Variants in ZNF653 observed in about 807,000 individuals in gnomAD.
ZNF653 encodes zinc finger protein 653.
Under a neutral mutation model 59.9 loss-of-function variants are expected in ZNF653, and 37 were observed. The observed-to-expected ratio is 0.62, with a 90% CI of 0.48 to 0.81. The LOEUF (loss-of-function observed/expected upper bound fraction) is 0.81. Among genes scored for constraint, ZNF653 ranks in the 40% least tolerant of loss-of-function variants. The pLI, the probability that ZNF653 is intolerant of heterozygous loss-of-function variation, is 0.00. For synonymous variants in ZNF653, 435 were observed against 371.8 expected, an observed-to-expected ratio of 1.17 and a Z score of -1.96; for missense variants, 808 against 881.1, an observed-to-expected ratio of 0.92 and a Z score of 1.05.
intron 3 of ZNF653, among the ~76,000 whole-genome samples, chr19:11,490,391 T>C (rs888500524): frequency 2.0e-5 from 3 of 151,888 alleles, no homozygotes; most frequent in Non-Finnish European, 4.4e-5. Flanking sequence ...GTTGTTGTTG[T>C]TGTTTGTTTT....
rs779413883 is a variant in ZNF653 at position 11,487,656 on chromosome 19, C to A, written c.807G>T (p.Gly269=). 1 of 1,613,888 alleles carries A rather than the reference C, an allele frequency of 6.2e-7. No homozygotes were observed. The highest frequency in any genetic ancestry group is 1.3e-5 in the African/African-American group (1 of 75,066). The change falls in exon 4 of 9, where the codon GGG becomes GGT. Residue 269 remains glycine, a synonymous_variant. Transcript: ENST00000293771. This position sits in a 1 kb window ranked among gnomAD's most constrained non-coding sequence, Gnocchi z 5.1. ...TPLCSNPAGN[G]PEALETVVCV... ...ACACCACTGTCTCCAGGGCTTCAGGCCCATTGCCTGCTGGGTTGGAGCACA... is the reference window on the plus strand; with the variant it reads ...ACACCACTGTCTCCAGGGCTTCAGGACCATTGCCTGCTGGGTTGGAGCACA...
chr19:11,490,916 G>A (rs1308901199), intron 3 of ZNF653, among the ~76,000 whole-genome samples: 1 of 152,220 alleles, frequency 6.6e-6, no homozygotes, highest in Non-Finnish European at 1.5e-5. Flanking sequence ...AGGCAGCTCA[G>A]TCTCTCCAGT....
chr19:11,489,804 C>A (rs536498533), intron 3 of ZNF653, among the ~76,000 whole-genome samples: 1 of 152,212 alleles, frequency 6.6e-6, no homozygotes, highest in South Asian at 2.1e-4. Flanking sequence ...CCCAGACCCA[C>A]GCTGTGGTAT....
intron 1 of ZNF653, chr19:11,505,174 T>C (rs1164666028): frequency 3.6e-6 from 1 of 277,386 alleles, no homozygotes; most frequent in Admixed American, 5.5e-5. Context: ...CAGGGCCTGG[T>C]TAGTTACAAG....
chr19:11,498,421 G>A (rs1971610464), intron 1 of ZNF653, 82 bp from the exon 2 acceptor site: 1 of 1,572,994 alleles, frequency 6.4e-7, no homozygotes, highest in African/African-American at 1.4e-5. Context: ...AGTGGCTAGA[G>A]CCACTGCTCA....
At position 11,485,504 on chromosome 19, in the gene ZNF653, C is replaced by T. The variant is rs1288249201; in HGVS notation, c.1570+152G>A. On this transcript the variant is annotated intron_variant, in intron 7 of 8. Coordinates refer to ENST00000293771, the MANE Select transcript of ZNF653 (RefSeq NM_138783.4). ...CCTGTCGCTGTGGCTCACATAGCTA[C>T]AGCTTACTGAGGACAGGGAGGAGGC... 6.6e-6 allele frequency: 4 copies of T among 603,826 alleles called. No individual in the cohort carries two copies. In the Admixed American group the frequency reaches 8.8e-5, roughly 13 times the overall value. The allele number at this position is 603,826 out of a possible 1,614,324, so 37.4% of individuals were successfully genotyped here. A position where few individuals can be genotyped will look rare whatever the true frequency, so the allele number is the denominator to read the frequency against.
intron 8 of ZNF653, 47 bp downstream of exon 8, chr19:11,483,995 C>G (rs940088089): frequency 6.5e-7 from 1 of 1,540,010 alleles, no homozygotes; most frequent in African/African-American, 1.4e-5. Flanking sequence ...CTGCTGGGAT[C>G]CCCTCCCACC....
chr19:11,487,874 C>G lies in ZNF653; in HGVS notation c.589G>C (p.Asp197His). 6.3e-7 allele frequency: 1 copy of G among 1,597,932 alleles called. No homozygotes were observed. Residue 197 changes from aspartate to histidine, a missense_variant, in exon 4 of 9, where the codon GAC (aspartate) becomes CAC (histidine). Physicochemically the swap from Asp to His is moderately conservative, Grantham distance 81 (BLOSUM62 -1). Coordinates refer to ENST00000293771, the MANE Select transcript of ZNF653 (RefSeq NM_138783.4). The surrounding 1 kb of genome is among the most constrained non-coding windows in gnomAD (Gnocchi z 5.1). Reference sequence around the variant, plus strand: ...GAGGCAGAGCCAGAGCTGGATGAGTCAGAGCTGCCAGCCACCAGCCCATTG... The same window carrying G: ...GAGGCAGAGCCAGAGCTGGATGAGTGAGAGCTGCCAGCCACCAGCCCATTG... ...VGNGLVAGSS[D>H]SSSSGSASDS... is the part of the protein sequence containing the mutation.
Position 11,495,901 on chromosome 19 carries a change from G to T in ZNF653, c.559+49C>A. The T allele has an allele frequency of 6.4e-7, 1 of 1,562,520 alleles. No individual in the cohort carries two copies. The highest frequency in any genetic ancestry group is 8.7e-7 in the Non-Finnish European group (1 of 1,146,924). On this transcript the variant is annotated intron_variant, in intron 3 of 8. Coordinates refer to ENST00000293771, the MANE Select transcript of ZNF653 (RefSeq NM_138783.4). This position sits in a 1 kb window ranked among gnomAD's most constrained non-coding sequence, Gnocchi z 4.9. ...GATGCTAGCCTAGGGCTCGTAAGAA[G>T]CCCCCAGAAATGGGCGGCCCCCTAT... is the stretch of plus-strand genomic sequence containing the variant.
intron 2 of ZNF653, among the ~76,000 whole-genome samples, chr19:11,497,617 T>C (rs1346790105): frequency 6.6e-6 from 1 of 152,168 alleles, no homozygotes; most frequent in Non-Finnish European, 1.5e-5. Flanking sequence ...TCCTGGTCCC[T>C]CAGCCAAGTG....
rs924553130 is a variant in ZNF653, at chr19:11,505,766, C to T, written c.21G>A (p.Glu7=). 154 of 1,416,848 alleles carry T rather than the reference C, an allele frequency of 1.1e-4. No individual in the cohort carries two copies. The highest frequency in any genetic ancestry group is 1.3e-4 in the Non-Finnish European group (144 of 1,096,678). 87.8% of individuals were successfully genotyped at this position (1,416,848 alleles called of 1,614,324 possible). The change falls in exon 1 of 9, where the codon GAG becomes GAA. Residue 7 remains glutamate (E), a synonymous_variant. Transcript: ENST00000293771. MAERAL[E]PEAEAEAEAG... ...CCTCAGCCTCCGCCTCCGCCTCGGGCTCTAGCGCCCGCTCCGCCATCCCCC... is the reference window on the plus strand; with the variant it reads ...CCTCAGCCTCCGCCTCCGCCTCGGGTTCTAGCGCCCGCTCCGCCATCCCCC...
At chr19:11,485,485 G>C (rs80232403) in intron 7 of ZNF653, among the ~76,000 whole-genome samples, 171 bp downstream of exon 7, 1 of 152,094 alleles carries the variant, frequency 6.6e-6, no homozygotes, top group Non-Finnish European at 1.5e-5. Flanking sequence ...AGTTCCTGTC[G>C]CTGTGGCTCA....
chr19:11,488,112 CGAGTAGCTGGGACTACAG>C (rs1056566992), intron 3 of ZNF653, among the ~76,000 whole-genome samples: 8 of 149,490 alleles, frequency 5.4e-5, no homozygotes, highest in Non-Finnish European at 1.0e-4. Flanking sequence ...CTCAGGCTCC[CGAGTAGCTGGGACTACAG>C]GTGTGCGCCA....
Position 11,495,715 on chromosome 19 carries a change from T to G in ZNF653, c.559+235A>C. ...GCCTGGGACTGGCCTTGGGCACAGA[T>G]TGGCAAACTGCTCCATAAAGAGGGA... On this transcript the variant is annotated intron_variant, in intron 3 of 8. Transcript: ENST00000293771. This position sits in a 1 kb window ranked among gnomAD's most constrained non-coding sequence, Gnocchi z 4.9. 1 of 531,358 alleles carries G rather than the reference T, an allele frequency of 1.9e-6. No individual in the cohort carries two copies. The allele number at this position is 531,358 out of a possible 1,614,324, so 32.9% of individuals were successfully genotyped here.
At chr19:11,485,542 A>C (rs961689269) in intron 7 of ZNF653, 114 bp downstream of exon 7, 4 of 745,530 alleles carry the variant, frequency 5.4e-6, no homozygotes, top group Non-Finnish European at 9.3e-6. Flanking sequence ...CTAGGGGTGT[A>C]GTCCTGTGCC....
At chr19:11,491,574 A>G (rs1208865046) in intron 3 of ZNF653, among the ~76,000 whole-genome samples, 1 of 150,002 alleles carries the variant, frequency 6.7e-6, no homozygotes, top group East Asian at 1.9e-4. Context: ...TGCACCTGCC[A>G]TTCCCTCGGC....
chr19:11,483,861 T>A lies in ZNF653; in HGVS notation c.1671-2A>T. The A allele has an allele frequency of 7.5e-7, 1 of 1,332,008 alleles. No homozygotes were observed. Among genetic ancestry groups the A allele is most frequent in the Non-Finnish European group, 9.9e-7 (1 of 1,008,804 alleles). 82.5% of individuals were successfully genotyped at this position (1,332,008 alleles called of 1,614,324 possible). Reference sequence around the variant, plus strand: ...CACTGGTAGCCACAGATCTCGCACCTGCCGGGAGCCCGTGGCGGGACGGGG... The same window carrying A: ...CACTGGTAGCCACAGATCTCGCACCAGCCGGGAGCCCGTGGCGGGACGGGG... On this transcript the variant is annotated splice_acceptor_variant, in intron 8 of 8. Transcript: ENST00000293771. LOFTEE classifies it high-confidence loss of function.
intron 3 of ZNF653, among the ~76,000 whole-genome samples, chr19:11,489,761 C>G (rs531963191): frequency 6.6e-6 from 1 of 152,208 alleles, no homozygotes; most frequent in African/African-American, 2.4e-5. Flanking sequence ...AGCTGACCAC[C>G]CCTACTCCAG....
At chr19:11,494,165 T>C (rs1252868119) in intron 3 of ZNF653, among the ~76,000 whole-genome samples, 2 of 151,590 alleles carry the variant, frequency 1.3e-5, no homozygotes, top group African/African-American at 2.4e-5. Flanking sequence ...CTACTAAAAA[T>C]ACAAAAATTA....
Sources: gnomAD v4.1 joint callset for allele counts (sites outside exome capture counted in the v4.1 genomes callset) on GRCh38, gnomAD v4.1.1 for gene constraint, Gnocchi (gnomAD v3.1) non-coding constraint, MANE v1.5 for transcripts, NCBI Gene and HGNC (gene_info 2026-07-23, HGNC 2026-07-21) for gene names.